Variants in CRIM1 observed in about 807,000 individuals in gnomAD.
CRIM1 encodes the protein cysteine-rich motor neuron 1 protein.
Under a neutral mutation model 116.4 loss-of-function variants are expected in CRIM1, and 32 were observed. The observed-to-expected ratio is 0.27, with a 90% confidence interval of 0.21 to 0.37. The LOEUF (loss-of-function observed/expected upper bound fraction) is 0.37. Ranked by LOEUF, CRIM1 falls within the 10% of genes least tolerant of loss-of-function variation. The probability of loss-of-function intolerance (pLI) is 1.00; values close to 1 mark genes in which losing one functional copy is unlikely to be tolerated. For missense variants in CRIM1, 1,331 were observed against 1,354.8 expected (o/e 0.98, Z 0.28); for synonymous variants, 590 against 509.2 (o/e 1.16, Z -2.13).
chr2:36,544,665 C>T (rs1474446031), intron 15 of CRIM1, among the ~76,000 whole-genome samples, 167 bp downstream of exon 15: 4 of 152,202 alleles, frequency 2.6e-5, no homozygotes, highest in Non-Finnish European at 5.9e-5. Flanking sequence ...TTACACCACA[C>T]ATTGATAAAA....
At chr2:36,438,155 G>A (rs1675476074) in intron 2 of CRIM1, among the ~76,000 whole-genome samples, 1 of 150,744 alleles carries the variant, frequency 6.6e-6, no homozygotes, top group African/African-American at 2.5e-5. Flanking sequence ...AAAAAAAAGA[G>A]TGGGATAACC....
intron 5 of CRIM1, among the ~76,000 whole-genome samples, chr2:36,469,896 C>T (rs1212328974): frequency 6.6e-6 from 1 of 152,140 alleles, no homozygotes; most frequent in East Asian, 1.9e-4. Context: ...TTCTCTTCCC[C>T]TTTTCCTGAA....
intron 2 of CRIM1, among the ~76,000 whole-genome samples, chr2:36,425,999 C>G (rs1287274106): frequency 6.6e-6 from 1 of 152,158 alleles, no homozygotes; most frequent in East Asian, 1.9e-4. Context: ...GTTTTTAGCC[C>G]ATTATCACAT....
At chr2:36,421,948 A>T (rs889275709) in intron 2 of CRIM1, among the ~76,000 whole-genome samples, 12 of 152,128 alleles carry the variant, frequency 7.9e-5, no homozygotes, top group African/African-American at 2.9e-4. Flanking sequence ...ATGGAGTCAT[A>T]CCTGATTAAT....
At chr2:36,400,879 C>T (rs182404334) in intron 2 of CRIM1, among the ~76,000 whole-genome samples, 12 of 152,096 alleles carry the variant, frequency 7.9e-5, no homozygotes, top group Non-Finnish European at 1.8e-4. Context: ...TTTAGACTTG[C>T]TCTCGAATCT....
chr2:36,380,416 T>C (rs1670656822), intron 1 of CRIM1, among the ~76,000 whole-genome samples: 1 of 152,204 alleles, frequency 6.6e-6, no homozygotes, highest in African/African-American at 2.4e-5. Flanking sequence ...CCCATCATGC[T>C]GCAGCCCTAA....
intron 12 of CRIM1, among the ~76,000 whole-genome samples, chr2:36,519,365 C>T (rs1665231031): frequency 6.6e-6 from 1 of 152,178 alleles, no homozygotes; most frequent in African/African-American, 2.4e-5. Flanking sequence ...CAGGCAACCC[C>T]TCATGTGCCT....
chr2:36,379,897 T>C (rs1285336329), intron 1 of CRIM1, among the ~76,000 whole-genome samples: 1 of 144,534 alleles, frequency 6.9e-6, no homozygotes, highest in Non-Finnish European at 1.5e-5. Flanking sequence ...AAAGCAATGG[T>C]TTGGTTAAAA....
chr2:36,419,021 C>G (rs1352276543), intron 2 of CRIM1, among the ~76,000 whole-genome samples: 1 of 152,180 alleles, frequency 6.6e-6, no homozygotes, highest in East Asian at 1.9e-4. Flanking sequence ...CTGCTGTAGT[C>G]ATTAGCCTGA....
chr2:36,390,503 T>C (rs1433265403), intron 1 of CRIM1, among the ~76,000 whole-genome samples: 1 of 152,188 alleles, frequency 6.6e-6, no homozygotes, highest in Non-Finnish European at 1.5e-5. Flanking sequence ...GATACTTACT[T>C]TTCATGTGGA....
At chr2:36,545,674 G>A (rs1667274758) in intron 15 of CRIM1, among the ~76,000 whole-genome samples, 1 of 152,104 alleles carries the variant, frequency 6.6e-6, no homozygotes, top group African/African-American at 2.4e-5. Flanking sequence ...CTTGGTTTTA[G>A]CACAGAAACA....
intron 1 of CRIM1, among the ~76,000 whole-genome samples, chr2:36,365,420 A>G (rs937508563): frequency 6.6e-6 from 1 of 152,198 alleles, no homozygotes; most frequent in African/African-American, 2.4e-5. Context: ...GATATATCTC[A>G]CTGAGGTTAC....
chr2:36,457,896 C>T (rs889689596), intron 4 of CRIM1, among the ~76,000 whole-genome samples: 5 of 152,110 alleles, frequency 3.3e-5, no homozygotes, highest in African/African-American at 1.2e-4. Context: ...ATTTCCATTC[C>T]CGACAAGCTA....
chr2:36,527,744 T>TA lies in CRIM1; in HGVS notation c.2428+5433dup, dbSNP rs1384631419. Among the ~76,000 whole-genome samples, 5 of 152,258 alleles carry TA rather than the reference T, an allele frequency of 3.3e-5. No individual in the cohort carries two copies. In the East Asian group the frequency reaches 9.6e-4, roughly 29 times the overall value. ...CCAAGAATCAATTATAGTAAATATT[T>TA]AATTCAGGCATCTTTAAGCTATACA... On this transcript the variant is annotated intron_variant, in intron 13 of 16. Coordinates refer to ENST00000280527, the MANE Select transcript of CRIM1 (RefSeq NM_016441.3).
intron 7 of CRIM1, 40 bp from the exon 8 acceptor site, chr2:36,499,179 A>T (rs1265447512): frequency 1.3e-6 from 2 of 1,516,516 alleles, no homozygotes; most frequent in Non-Finnish European, 9.1e-7. Context: ...AAAGGTAATC[A>T]TATGTTTCAT....
intron 4 of CRIM1, among the ~76,000 whole-genome samples, chr2:36,463,870 G>C (rs1231111106): frequency 2.0e-5 from 3 of 152,134 alleles, no homozygotes; most frequent in African/African-American, 7.2e-5. Flanking sequence ...AAGACTTTCA[G>C]CTTCCAAGAT....
intron 1 of CRIM1, among the ~76,000 whole-genome samples, chr2:36,382,292 A>T (rs1372888251): frequency 2.6e-5 from 4 of 152,236 alleles, no homozygotes; most frequent in African/African-American, 4.8e-5. Context: ...AAGGAATAGA[A>T]ACTATAGGCA....
chr2:36,511,468 A>T (rs932800262), intron 9 of CRIM1, among the ~76,000 whole-genome samples: 4 of 152,250 alleles, frequency 2.6e-5, no homozygotes, highest in Admixed American at 2.0e-4. Context: ...TAAGAGTATT[A>T]TGTCTTAGCC....
Position 36,513,940 on chromosome 2 carries a change from G to C in CRIM1, c.1990+175G>C, listed in dbSNP as rs140144144. On this transcript the variant is annotated intron_variant, in intron 11 of 16. Coordinates refer to ENST00000280527, the MANE Select transcript of CRIM1 (RefSeq NM_016441.3). ...GAATCATCCAGGCACTATCAGTGAA[G>C]AACCAAAGACCAGAGAAAATTCTAT... Among the ~76,000 whole-genome samples, 504 of 152,318 alleles carry C rather than the reference G, an allele frequency of 3.3e-3. 6 individuals are homozygous for C. Among genetic ancestry groups the C allele is most frequent in the African/African-American group, 0.012 (480 of 41,586 alleles).
Sources: gnomAD v4.1 joint callset for allele counts (sites outside exome capture counted in the v4.1 genomes callset) on GRCh38, gnomAD v4.1.1 for gene constraint, MANE v1.5 for transcripts, NCBI Gene and HGNC (gene_info 2026-07-23, HGNC 2026-07-21) for gene names.